FSHR: variants seen among roughly 807,000 people sequenced by gnomAD.
The protein encoded by FSHR is follicle-stimulating hormone receptor.
Under a neutral mutation model 52.1 loss-of-function variants are expected in FSHR, and 46 were observed. The observed-to-expected ratio is 0.88, with a 90% CI of 0.70 to 1.13. FSHR has a LOEUF of 1.13. Ranked by LOEUF, FSHR falls within the 50% of genes most tolerant of loss-of-function variation. The probability of loss-of-function intolerance (pLI) is 0.00; values close to 1 mark genes in which losing one functional copy is unlikely to be tolerated. For missense variants in FSHR, 964 were observed against 834.6 expected (o/e 1.16, Z -1.91); for synonymous variants, 399 against 309.6 (o/e 1.29, Z -3.03).
In FSHR at chr2:49,109,061, G is replaced by T. The variant is rs192924086; in HGVS notation, c.153-40771C>A. Among the ~76,000 whole-genome samples the T allele has an allele frequency of 1.8e-4, 27 of 152,136 alleles. No individual in the cohort carries two copies. The East Asian group carries it at 4.8e-3, about 27-fold the overall frequency. ...AGAGCAGAGGAAGCAAATCTGCCTG[G>T]GATTCTGGGAATGAGACAGGAAAAG... On this transcript the variant is annotated intron_variant, in intron 1 of 9. Transcript: ENST00000406846.
chr2:49,154,033 G>T (rs1260495803), intron 1 of FSHR, among the ~76,000 whole-genome samples: 1 of 152,090 alleles, frequency 6.6e-6, no homozygotes, highest in Non-Finnish European at 1.5e-5. Context: ...TTTGGATTCC[G>T]GTTCTCTGAC....
rs561866880 is a variant in FSHR, at chr2:49,117,250, T to A, written c.152+37016A>T. 4.6e-5 allele frequency among the ~76,000 whole-genome samples: 7 copies of A among 152,314 alleles called. No homozygotes were observed. In the South Asian group the frequency reaches 1.5e-3, roughly 32 times the overall value. ...CCTTCCAGACTTCTCAGCTGCACTT[T>A]CCAAATCAAAGCAATCCTTGCCCTG... On this transcript the variant is annotated intron_variant, in intron 1 of 9. Transcript: ENST00000406846.
intron 2 of FSHR, among the ~76,000 whole-genome samples, chr2:49,064,655 A>G (rs976899140): frequency 1.3e-5 from 2 of 152,104 alleles, no homozygotes; most frequent in African/African-American, 2.4e-5. Context: ...AGCTGGAGAA[A>G]GAGATGGGTG....
At chr2:49,026,445 C>T in intron 2 of FSHR, among the ~76,000 whole-genome samples, 1 of 152,154 alleles carries the variant, frequency 6.6e-6, no homozygotes, top group East Asian at 1.9e-4. Flanking sequence ...ACCTTGTCAG[C>T]TAAGTGCCAT....
At chr2:49,057,465 C>T (rs1241207220) in intron 2 of FSHR, among the ~76,000 whole-genome samples, 1 of 151,882 alleles carries the variant, frequency 6.6e-6, no homozygotes, top group Non-Finnish European at 1.5e-5. Context: ...TACAACCCAC[C>T]AAGATTGAAC....
intron 1 of FSHR, among the ~76,000 whole-genome samples, chr2:49,091,889 A>C (rs1404404195): frequency 6.6e-6 from 1 of 152,210 alleles, no homozygotes; most frequent in Non-Finnish European, 1.5e-5. Context: ...TAAATTTTAG[A>C]ATCAGCTAAT....
chr2:48,971,285 G>A (rs747822781), intron 8 of FSHR, among the ~76,000 whole-genome samples: 3 of 152,188 alleles, frequency 2.0e-5, no homozygotes, highest in Non-Finnish European at 4.4e-5. Flanking sequence ...AATGGCACTA[G>A]TGGGATACTG....
At chr2:49,021,004 G>T (rs1169367758) in intron 2 of FSHR, among the ~76,000 whole-genome samples, 1 of 152,114 alleles carries the variant, frequency 6.6e-6, no homozygotes, top group African/African-American at 2.4e-5. Context: ...TTAATACCTA[G>T]GTGATGGGTT....
At chr2:49,090,341 T>C (rs1670558306) in intron 1 of FSHR, among the ~76,000 whole-genome samples, 1 of 152,194 alleles carries the variant, frequency 6.6e-6, no homozygotes, top group Non-Finnish European at 1.5e-5. Context: ...ACTTTGTCTT[T>C]TCTAAAATGT....
intron 1 of FSHR, among the ~76,000 whole-genome samples, chr2:49,077,701 G>C (rs1669999431): frequency 6.6e-6 from 1 of 152,170 alleles, no homozygotes; most frequent in African/African-American, 2.4e-5. Context: ...CCCAAGTCAA[G>C]TCTTGAGTGC....
At chr2:49,152,672 C>T (rs1488469774) in intron 1 of FSHR, among the ~76,000 whole-genome samples, 1 of 152,138 alleles carries the variant, frequency 6.6e-6, no homozygotes, top group Non-Finnish European at 1.5e-5. Context: ...GTTTTATCAA[C>T]TGGATGACAC....
At chr2:49,133,951 A>G (rs1572791328) in intron 1 of FSHR, among the ~76,000 whole-genome samples, 2 of 152,354 alleles carry the variant, frequency 1.3e-5, no homozygotes, top group South Asian at 4.1e-4. Context: ...TGTTAGATGT[A>G]AAACCTAAAA....
intron 4 of FSHR, among the ~76,000 whole-genome samples, chr2:48,997,987 A>G (rs1179593033): frequency 6.6e-6 from 1 of 151,836 alleles, no homozygotes; most frequent in African/African-American, 2.4e-5. Context: ...GCCTGGATCA[A>G]CCTTTTTACC....
chr2:48,997,986 AACCTTTTT>A (rs376584526), intron 4 of FSHR, among the ~76,000 whole-genome samples: 67 of 152,200 alleles, frequency 4.4e-4, no homozygotes, highest in African/African-American at 1.5e-3. Context: ...TGCCTGGATC[AACCTTTTT>A]ACCTTTTTAC....
At chr2:48,990,421 C>G in intron 5 of FSHR, 145 bp downstream of exon 5, 1 of 689,982 alleles carries the variant, frequency 1.4e-6, no homozygotes, top group South Asian at 1.7e-5. Context: ...TCAAGGACCT[C>G]ACTTCTGGCC....
intron 1 of FSHR, among the ~76,000 whole-genome samples, chr2:49,112,791 T>C (rs1572760270): frequency 6.6e-6 from 1 of 152,286 alleles, no homozygotes; most frequent in East Asian, 1.9e-4. Context: ...TGAACAATGC[T>C]TTATTAAGTT....
intron 2 of FSHR, among the ~76,000 whole-genome samples, chr2:49,032,705 C>T (rs1668142098): frequency 2.0e-5 from 3 of 152,118 alleles, no homozygotes; most frequent in Admixed American, 2.0e-4. Flanking sequence ...TACCCAAGGC[C>T]ACACAGTGAG....
At chr2:49,040,324 T>C (rs957188912) in intron 2 of FSHR, among the ~76,000 whole-genome samples, 2 of 152,204 alleles carry the variant, frequency 1.3e-5, no homozygotes, top group African/African-American at 4.8e-5. Context: ...GAGTGGGCTT[T>C]CTTAGAAGAG....
intron 4 of FSHR, among the ~76,000 whole-genome samples, chr2:49,013,127 C>T (rs988164840): frequency 2.9e-4 from 44 of 151,306 alleles, no homozygotes; most frequent in African/African-American, 9.0e-4. Flanking sequence ...ATCTTCCCCC[C>T]CCACCCCCAC....
Sources: gnomAD v4.1 joint callset for allele counts (sites outside exome capture counted in the v4.1 genomes callset) on GRCh38, gnomAD v4.1.1 for gene constraint, MANE v1.5 for transcripts, NCBI Gene and HGNC (gene_info 2026-07-23, HGNC 2026-07-21) for gene names.